Variants in SORCS2 observed in about 807,000 individuals in gnomAD.
SORCS2 encodes the protein sortilin related VPS10 domain containing receptor 2.
Under a neutral mutation model 141.6 loss-of-function variants are expected in SORCS2, and 100 were observed. The ratio of observed to expected loss-of-function variants is 0.71; its 90% confidence interval spans 0.60 to 0.83. The LOEUF is 0.83. Ranked by LOEUF, SORCS2 falls within the 40% of genes least tolerant of loss-of-function variation. SORCS2 has a pLI of 0.00. For missense variants in SORCS2, 1,646 were observed against 1,560.2 expected (o/e 1.05, Z -0.93); for synonymous variants, 789 against 676.9 (o/e 1.17, Z -2.57).
chr4:7,476,934 C>T (rs940765739), intron 2 of SORCS2, among the ~76,000 whole-genome samples: 1 of 152,252 alleles, frequency 6.6e-6, no homozygotes, highest in African/African-American at 2.4e-5. Context: ...GAAACTCACA[C>T]CTGCTGAGCT....
At chr4:7,271,749 C>T (rs950716976) in intron 1 of SORCS2, among the ~76,000 whole-genome samples, 1 of 152,214 alleles carries the variant, frequency 6.6e-6, no homozygotes, top group Non-Finnish European at 1.5e-5. Context: ...GTGGGCTGCC[C>T]AAGTTCTTGG....
intron 1 of SORCS2, among the ~76,000 whole-genome samples, chr4:7,347,904 C>T (rs542298703): frequency 2.0e-5 from 3 of 152,314 alleles, no homozygotes; most frequent in Non-Finnish European, 2.9e-5. Context: ...AATTTCAATT[C>T]ATTATTACAA....
At chr4:7,627,379 T>C (rs921377496) in intron 3 of SORCS2, among the ~76,000 whole-genome samples, 2 of 152,168 alleles carry the variant, frequency 1.3e-5, no homozygotes, top group Non-Finnish European at 2.9e-5. Context: ...CTACTCAGGA[T>C]GGATGGGTGA....
intron 1 of SORCS2, among the ~76,000 whole-genome samples, chr4:7,240,930 A>T (rs1712649933): frequency 6.6e-6 from 1 of 152,072 alleles, no homozygotes; most frequent in East Asian, 1.9e-4. Flanking sequence ...CAAATAATTT[A>T]TTATTATTAT....
At chr4:7,274,433 C>T (rs183275371) in intron 1 of SORCS2, among the ~76,000 whole-genome samples, 4 of 152,246 alleles carry the variant, frequency 2.6e-5, no homozygotes, top group East Asian at 3.9e-4. Context: ...AGCATGATGC[C>T]GGGCATCTGC....
chr4:7,485,445 G>A (rs527995539), intron 2 of SORCS2, among the ~76,000 whole-genome samples: 1 of 152,372 alleles, frequency 6.6e-6, no homozygotes, highest in South Asian at 2.1e-4. Context: ...GGTTGGCTCT[G>A]TGGGCCCCAC....
At chr4:7,649,490 G>A (rs1308160190) in intron 4 of SORCS2, among the ~76,000 whole-genome samples, 6 of 152,236 alleles carry the variant, frequency 3.9e-5, no homozygotes, top group South Asian at 2.1e-4. Context: ...AGGGGTCCAC[G>A]GAGATGGTGT....
intron 2 of SORCS2, among the ~76,000 whole-genome samples, chr4:7,420,558 C>T (rs1324880634): frequency 6.6e-6 from 1 of 152,184 alleles, no homozygotes; most frequent in Non-Finnish European, 1.5e-5. Context: ...CCTCATGGGA[C>T]TCAGGAAGGC....
rs530041711 is a variant in SORCS2, at chr4:7,713,263, T to C, written c.1989+410T>C. On this transcript the variant is annotated intron_variant, in intron 15 of 26. Coordinates refer to ENST00000507866, the MANE Select transcript of SORCS2 (RefSeq NM_020777.3). ...TGTAATTGAGACACATAACTGTTTC[T>C]ACAGCAAATGTGTAATATGGACACT... Among the ~76,000 whole-genome samples the C allele has an allele frequency of 1.4e-4, 22 of 152,280 alleles. No individual in the cohort carries two copies. The South Asian group carries it at 4.6e-3, about 32-fold the overall frequency.
At chr4:7,541,768 C>A (rs1016740539) in intron 3 of SORCS2, among the ~76,000 whole-genome samples, 3 of 152,216 alleles carry the variant, frequency 2.0e-5, no homozygotes, top group African/African-American at 7.2e-5. Flanking sequence ...ACACGGAGCC[C>A]TAGTTTCAGC....
At position 7,243,335 on chromosome 4, in the gene SORCS2, G is replaced by T. The variant is rs142543085; in HGVS notation, c.480+50209G>T. On this transcript the variant is annotated intron_variant, in intron 1 of 26. Coordinates refer to ENST00000507866, the MANE Select transcript of SORCS2 (RefSeq NM_020777.3). ...TCCCTGCTAGGCTAAGCTGAGAACC[G>T]AGGTTCAGAGAAAGTGGTGTGATTT... Among the ~76,000 whole-genome samples, 265 of 152,284 alleles carry T rather than the reference G, an allele frequency of 1.7e-3. 1 individual carries two copies. Among genetic ancestry groups the T allele is most frequent in the African/African-American group, 5.9e-3 (244 of 41,546 alleles).
At chr4:7,688,139 G>A (rs1723990622) in intron 10 of SORCS2, among the ~76,000 whole-genome samples, 1 of 152,132 alleles carries the variant, frequency 6.6e-6, no homozygotes, top group Non-Finnish European at 1.5e-5. Context: ...GCAATTCATG[G>A]GCCAGAAGAA....
At chr4:7,349,996 C>T (rs922144987) in intron 1 of SORCS2, among the ~76,000 whole-genome samples, 7 of 152,320 alleles carry the variant, frequency 4.6e-5, no homozygotes, top group Admixed American at 3.3e-4. Context: ...TGTTTTACCC[C>T]TGGCCCCAGT....
chr4:7,461,216 C>T (rs939947945), intron 2 of SORCS2, among the ~76,000 whole-genome samples: 1 of 152,204 alleles, frequency 6.6e-6, no homozygotes, highest in African/African-American at 2.4e-5. Flanking sequence ...TTACTGCCTT[C>T]GCTCTTTCCC....
intron 3 of SORCS2, among the ~76,000 whole-genome samples, chr4:7,585,773 C>T (rs1040644221): frequency 2.6e-5 from 4 of 152,158 alleles, no homozygotes; most frequent in African/African-American, 4.8e-5. Flanking sequence ...TTTGGGAGGA[C>T]GCATGTGGGG....
At chr4:7,708,018 C>G (rs1216432065) in intron 14 of SORCS2, among the ~76,000 whole-genome samples, 2 of 152,210 alleles carry the variant, frequency 1.3e-5, no homozygotes, top group African/African-American at 4.8e-5. Flanking sequence ...AGCCCCGAAA[C>G]TGGGAAATGA....
chr4:7,676,651 C>G (rs933469181), intron 9 of SORCS2, among the ~76,000 whole-genome samples: 1 of 151,400 alleles, frequency 6.6e-6, no homozygotes, highest in African/African-American at 2.4e-5. Context: ...CTCTCTCCCT[C>G]TCTCTCTCTA....
At chr4:7,528,089 C>G (rs1733812437) in intron 2 of SORCS2, among the ~76,000 whole-genome samples, 1 of 141,428 alleles carries the variant, frequency 7.1e-6, no homozygotes, top group African/African-American at 2.6e-5. Flanking sequence ...AGCCTGTCAC[C>G]CCCATGATAG....
chr4:7,434,574 C>T, intron 2 of SORCS2: 1 of 1,613,586 alleles, frequency 6.2e-7, no homozygotes. Flanking sequence ...CGGCTGAAGA[C>T]TCCTGGCTGG....
Sources: allele counts gnomAD v4.1 joint callset (sites outside exome capture counted in the v4.1 genomes callset), GRCh38; gene constraint gnomAD v4.1.1; transcripts MANE v1.5; gene names NCBI Gene and HGNC (gene_info 2026-07-23, HGNC 2026-07-21).